Variants in MNDA observed in about 807,000 individuals in gnomAD.
MNDA encodes the protein myeloid cell nuclear differentiation antigen, also known as epididymis secretory sperm binding protein.
MNDA carries 43 observed loss-of-function variants against 37.8 expected under a neutral mutation model. The observed-to-expected ratio is 1.14, with a 90% CI of 0.89 to 1.47. The LOEUF (loss-of-function observed/expected upper bound fraction) is 1.47. Ranked by LOEUF, MNDA falls within the 40% of genes most tolerant of loss-of-function variation. The pLI is 0.00. For missense variants in MNDA, 536 were observed against 476.0 expected, an observed-to-expected ratio of 1.13 and a Z score of -1.17; for synonymous variants, 181 against 169.0, an observed-to-expected ratio of 1.07 and a Z score of -0.55.
Position 158,845,570 on chromosome 1 carries a change from G to T in MNDA, c.571-17G>T. Reference sequence around the variant, plus strand: ...CTCAAAGTTTTAAGTTTATTTTCTTGTGTCTGCCCAACACAGAATCAGGAA... The same window carrying T: ...CTCAAAGTTTTAAGTTTATTTTCTTTTGTCTGCCCAACACAGAATCAGGAA... On this transcript the variant is annotated splice_polypyrimidine_tract_variant and intron_variant, in intron 4 of 6. Coordinates refer to ENST00000368141, the MANE Select transcript of MNDA (RefSeq NM_002432.3). 6.3e-7 allele frequency: 1 copy of T among 1,590,296 alleles called. No homozygotes were observed. The highest frequency in any genetic ancestry group is 8.5e-7 in the Non-Finnish European group (1 of 1,169,780).
chr1:158,835,553 A>C (rs1658891251), intron 1 of MNDA, among the ~76,000 whole-genome samples: 1 of 128,782 alleles, frequency 7.8e-6, no homozygotes, highest in South Asian at 2.3e-4. Flanking sequence ...AAAGAGAGAG[A>C]ATTTACCTTT....
At chr1:158,836,410 T>C (rs1473427562) in intron 1 of MNDA, among the ~76,000 whole-genome samples, 1 of 152,002 alleles carries the variant, frequency 6.6e-6, no homozygotes, top group Non-Finnish European at 1.5e-5. Context: ...TGACTAGTCA[T>C]AATGACTGTT....
At chr1:158,836,180 T>C (rs1405330240) in intron 1 of MNDA, among the ~76,000 whole-genome samples, 1 of 152,030 alleles carries the variant, frequency 6.6e-6, no homozygotes, top group African/African-American at 2.4e-5. Flanking sequence ...GGATATTGTT[T>C]AGAAAATTTT....
chr1:158,838,268 A>G (rs1291211648), intron 1 of MNDA, among the ~76,000 whole-genome samples: 1 of 151,954 alleles, frequency 6.6e-6, no homozygotes, highest in African/African-American at 2.4e-5. Flanking sequence ...TTTAAGGTAG[A>G]TATAGTGGTA....
chr1:158,838,901 T>C lies in MNDA; in HGVS notation c.-20-3233T>C, dbSNP rs562804891. Among the ~76,000 whole-genome samples the C allele has an allele frequency of 3.9e-5, 6 of 152,312 alleles. No homozygotes were observed. In the South Asian group the frequency reaches 1.2e-3, roughly 32 times the overall value. On this transcript the variant is annotated intron_variant, in intron 1 of 6. Transcript: ENST00000368141. ...ATTTTACAATGCAGTCAATGTGTTT[T>C]TCAGCTTCAGAATTTATGGAATTTT...
rs1053100214 is a variant in MNDA, at chr1:158,844,226, T to C, written c.570+104T>C. 17 of 1,178,170 alleles carry C rather than the reference T, an allele frequency of 1.4e-5. No individual in the cohort carries two copies. In the African/African-American group the frequency reaches 2.2e-4, roughly 15 times the overall value. The allele number at this position is 1,178,170 out of a possible 1,614,324, so 73.0% of individuals were successfully genotyped here. On this transcript the variant is annotated intron_variant, in intron 4 of 6. Transcript: ENST00000368141. Reference sequence around the variant, plus strand: ...ATGCATAACTCTTCATATTACTGATTTGCTGTGGGAAAACTGTTTTCCATA... The same window carrying C: ...ATGCATAACTCTTCATATTACTGATCTGCTGTGGGAAAACTGTTTTCCATA...
chr1:158,849,190 G>T lies in MNDA; in HGVS notation c.1177G>T (p.Val393Phe), dbSNP rs1483441555. Reference protein sequence around the residue: ...LVCGSHSFIKVIKAKKNKEGP... With the variant: ...LVCGSHSFIKFIKAKKNKEGP... ...ATGTCTTTCTTATCTCTCTTTAAAG[G>T]TCATCAAGGCCAAGAAAAACAAGGA... The change falls in exon 7 of 7, where the codon GTC becomes TTC. Residue 393 changes from valine (V) to phenylalanine (F), a missense_variant and splice_region_variant. Physicochemically the swap from Val to Phe is conservative, Grantham distance 50. Coordinates refer to ENST00000368141, the MANE Select transcript of MNDA (RefSeq NM_002432.3). The T allele has an allele frequency of 6.2e-7, 1 of 1,610,156 alleles. No homozygotes were observed. Among genetic ancestry groups the T allele is most frequent in the Admixed American group, 1.7e-5 (1 of 59,784 alleles).
chr1:158,832,567 T>C (rs949919319), intron 1 of MNDA, among the ~76,000 whole-genome samples: 19 of 151,406 alleles, frequency 1.3e-4, no homozygotes, highest in Middle Eastern at 4.7e-3. Flanking sequence ...AAAACTTCTA[T>C]ATGCTACTTT....
chr1:158,832,030 G>A (rs1490534432), intron 1 of MNDA, among the ~76,000 whole-genome samples: 1 of 152,008 alleles, frequency 6.6e-6, no homozygotes, highest in African/African-American at 2.4e-5. Context: ...AATTTTACAA[G>A]CATTTACTCA....
chr1:158,843,500 CAGCTT>C, intron 3 of MNDA, 85 bp downstream of exon 3: 7 of 1,323,040 alleles, frequency 5.3e-6, no homozygotes, highest in South Asian at 1.8e-5. Flanking sequence ...TATCTCAACA[CAGCTT>C]AGATTTACCA....
intron 1 of MNDA, among the ~76,000 whole-genome samples, chr1:158,834,515 T>C (rs1658870705): frequency 6.6e-6 from 1 of 152,192 alleles, no homozygotes; most frequent in African/African-American, 2.4e-5. Context: ...ATTCTGGATA[T>C]AAAGCACTCA....
intron 1 of MNDA, among the ~76,000 whole-genome samples, chr1:158,835,618 G>GC (rs1166633276): frequency 1.1e-5 from 1 of 88,376 alleles, no homozygotes; most frequent in Non-Finnish European, 2.3e-5. Context: ...TTTTTGGTGG[G>GC]GGCGGGGGGT....
chr1:158,831,653 T>C (rs1558052875), intron 1 of MNDA, 96 bp downstream of exon 1: 1 of 152,168 alleles, frequency 6.6e-6, no homozygotes, highest in African/African-American at 2.4e-5. Context: ...ACCAGAAGTG[T>C]TGTTATCAAT....
chr1:158,839,150 CTT>C (rs1658981310), intron 1 of MNDA, among the ~76,000 whole-genome samples: 1 of 151,740 alleles, frequency 6.6e-6, no homozygotes, highest in African/African-American at 2.4e-5. Flanking sequence ...CTTTGTATAC[CTT>C]TTGTTGAAAA....
chr1:158,842,883 C>A lies in MNDA; in HGVS notation c.266-396C>A, dbSNP rs1659059512. 2.0e-5 allele frequency among the ~76,000 whole-genome samples: 3 copies of A among 152,230 alleles called. No homozygotes were observed. The South Asian group carries it at 6.2e-4, about 32-fold the overall frequency. On this transcript the variant is annotated intron_variant, in intron 2 of 6. Transcript: ENST00000368141. ...CCACATTACAATTCAGATCATATTT[C>A]CTTTCAGGTCATATTTCTGTCATTT...
chr1:158,840,749 G>A (rs1571655982), intron 1 of MNDA, among the ~76,000 whole-genome samples: 1 of 152,068 alleles, frequency 6.6e-6, no homozygotes, highest in East Asian at 1.9e-4. Flanking sequence ...CTTTGTAGGT[G>A]TTCTACTCAG....
chr1:158,844,050 A>G lies in MNDA; in HGVS notation c.498A>G (p.Thr166=), dbSNP rs1311127230. The change falls in exon 4 of 7, where the codon ACA becomes ACG. Residue 166 remains threonine (T), a synonymous_variant. Coordinates refer to ENST00000368141, the MANE Select transcript of MNDA (RefSeq NM_002432.3). The part of the protein sequence containing the change: ...SKPPGPSGAS[T]SAAVDHPPLP... Reference sequence around the variant, plus strand: ...CCCCAGGTCCCTCAGGAGCCAGCACATCTGCAGCTGTGGATCATCCCCCAC... The same window carrying G: ...CCCCAGGTCCCTCAGGAGCCAGCACGTCTGCAGCTGTGGATCATCCCCCAC... The G allele has an allele frequency of 1.2e-6, 2 of 1,613,768 alleles. No homozygotes were observed. Among genetic ancestry groups the G allele is most frequent in the East Asian group, 4.5e-5 (2 of 44,884 alleles).
chr1:158,834,848 T>C (rs1658876270), intron 1 of MNDA, among the ~76,000 whole-genome samples: 1 of 152,224 alleles, frequency 6.6e-6, no homozygotes, highest in Non-Finnish European at 1.5e-5. Context: ...ATGTCACAAT[T>C]GCCCAACAGC....
intron 1 of MNDA, among the ~76,000 whole-genome samples, chr1:158,840,492 G>A (rs909140421): frequency 3.3e-5 from 5 of 152,016 alleles, no homozygotes; most frequent in South Asian, 2.1e-4. Flanking sequence ...ATGAGATTTG[G>A]GTTGGGACAT....
Sources: allele counts gnomAD v4.1 joint callset (sites outside exome capture counted in the v4.1 genomes callset), GRCh38; gene constraint gnomAD v4.1.1; transcripts MANE v1.5; gene names NCBI Gene and HGNC (gene_info 2026-07-23, HGNC 2026-07-21).